Variants in SEC22B observed in about 807,000 individuals in gnomAD.
The protein encoded by SEC22B is vesicle-trafficking protein SEC22b.
A neutral mutation model predicts 31.4 loss-of-function variants in SEC22B; 10 were observed. The observed-to-expected ratio is 0.32, with a 90% CI of 0.20 to 0.54. SEC22B has a LOEUF of 0.54. Among genes scored for constraint, SEC22B ranks in the 20% least tolerant of loss-of-function variants. The pLI is 0.94. For missense variants in SEC22B, 130 were observed against 263.4 expected (o/e 0.49, Z 3.50); for synonymous variants, 60 against 95.9 (o/e 0.63, Z 2.19).
rs1336752460 is a variant in SEC22B, at chr1:120,156,723, G to GAGA, written c.*312_*314dup. 5.3e-6 allele frequency: 1 copy of GAGA among 189,974 alleles called. No homozygotes were observed. Among genetic ancestry groups the GAGA allele is most frequent in the Non-Finnish European group, 1.1e-5 (1 of 93,464 alleles). 11.8% of individuals were successfully genotyped at this position (189,974 alleles called of 1,614,324 possible). The stretch of plus-strand genomic sequence containing the variant: ...CTCATTGATGGCTCCATCAGAGAAT[G>GAGA]AGAATGCCCCAGCCAGTGCTGTTTT... On this transcript the variant is annotated 3_prime_UTR_variant, in exon 5 of 5. Coordinates refer to ENST00000578049, the MANE Select transcript of SEC22B (RefSeq NM_004892.6).
At chr1:120,163,481 T>C in intron 2 of SEC22B, 111 bp from the exon 3 acceptor site, 2 of 588,272 alleles carry the variant, frequency 3.4e-6, no homozygotes, top group Non-Finnish European at 4.9e-6. Flanking sequence ...CTAGCCTAAA[T>C]ACTTTGAGGC....
At position 120,151,597 on chromosome 1, in the gene SEC22B, TG is replaced by T. The variant is rs1288867371; in HGVS notation, c.*5440del. ...AGGAGAATCACTTGAACCCGGGAGG[TG>T]GAGGTTGCAGTGAGCTGAGATCGCG... On this transcript the variant is annotated 3_prime_UTR_variant, in exon 5 of 5. Coordinates refer to ENST00000578049, the MANE Select transcript of SEC22B (RefSeq NM_004892.6). 1 of 150,738 alleles carries T rather than the reference TG, an allele frequency of 6.6e-6. No individual in the cohort carries two copies. The highest frequency in any genetic ancestry group is 2.5e-5 in the African/African-American group (1 of 40,716). 9.3% of individuals were successfully genotyped at this position (150,738 alleles called of 1,614,324 possible).
At chr1:120,165,635 T>A (rs1358931177) in intron 2 of SEC22B, among the ~76,000 whole-genome samples, 3 of 152,032 alleles carry the variant, frequency 2.0e-5, no homozygotes, top group African/African-American at 7.2e-5. Context: ...TCTCCCATTG[T>A]GCAAGTTGTC....
intron 3 of SEC22B, among the ~76,000 whole-genome samples, chr1:120,162,759 T>C (rs1657739959): frequency 6.6e-6 from 1 of 152,210 alleles, no homozygotes; most frequent in African/African-American, 2.4e-5. Flanking sequence ...GTTTTGTTTT[T>C]TTAATTAGAG....
In SEC22B at chr1:120,163,398, G is replaced by A. The variant is rs1657751177; in HGVS notation, c.186-28C>T. The A allele has an allele frequency of 2.7e-6, 4 of 1,462,330 alleles. No homozygotes were observed. The Admixed American group carries it at 5.9e-5, about 21-fold the overall frequency. The allele number at this position is 1,462,330 out of a possible 1,614,324, so 90.6% of individuals were successfully genotyped here. Reference sequence around the variant, plus strand: ...GGTGAGACATAAAAAGCAAGACAAAGTTATCTGTAAAGTAATAGCACTGAC... The same window carrying A: ...GGTGAGACATAAAAAGCAAGACAAAATTATCTGTAAAGTAATAGCACTGAC... On this transcript the variant is annotated intron_variant, in intron 2 of 4. Transcript: ENST00000578049.
At position 120,176,325 on chromosome 1, in the gene SEC22B, C is replaced by T. The variant is rs1553230195; in HGVS notation, c.57G>A (p.Ser19=). The T allele has an allele frequency of 6.2e-7, 1 of 1,612,022 alleles. No homozygotes were observed. The highest frequency in any genetic ancestry group is 1.1e-5 in the South Asian group (1 of 90,962). The part of the protein sequence containing the change: ...RVADGLPLAA[S]MQEDEQSGRD... ...AGCTCACCTGTTCGTCCTCCTGCAT[C>T]GAGGCGGCCAGCGGGAGCCCGTCCG... Residue 19 remains serine (S), a synonymous_variant, in exon 1 of 5, where the codon TCG becomes TCA. Transcript: ENST00000578049.
At chr1:120,176,126 C>T (rs1553230175) in intron 1 of SEC22B, among the ~76,000 whole-genome samples, 181 bp downstream of exon 1, 15 of 152,202 alleles carry the variant, frequency 9.9e-5, no homozygotes, top group Non-Finnish European at 2.2e-4. Flanking sequence ...ACTCCTCCTT[C>T]AGGAAAGATT....
intron 2 of SEC22B, among the ~76,000 whole-genome samples, chr1:120,165,758 G>A (rs1261941148): frequency 2.0e-5 from 3 of 151,644 alleles, no homozygotes; most frequent in East Asian, 1.9e-4. Flanking sequence ...TAAAGTCTTC[G>A]CCCAGGTTCA....
intron 1 of SEC22B, among the ~76,000 whole-genome samples, chr1:120,169,668 AAG>A (rs1286387377): frequency 6.8e-6 from 1 of 147,820 alleles, no homozygotes; most frequent in Non-Finnish European, 1.5e-5. Context: ...TTTTGTTAAA[AAG>A]AGGGGGCAAA....
chr1:120,161,295 C>CT, intron 3 of SEC22B, among the ~76,000 whole-genome samples: 1 of 152,336 alleles, frequency 6.6e-6, no homozygotes, highest in Middle Eastern at 3.4e-3. Flanking sequence ...AGCTGAGAAA[C>CT]TTTACCTTTT....
At chr1:120,166,396 T>TACACACAC (rs1268229455) in intron 2 of SEC22B, among the ~76,000 whole-genome samples, 6,540 of 142,722 alleles carry the variant, frequency 0.046, 70 homozygotes, top group African/African-American at 0.053. Flanking sequence ...AAGTGTTTTT[T>TACACACAC]ACACACACAC....
intron 2 of SEC22B, among the ~76,000 whole-genome samples, chr1:120,167,994 CTAGGGTTT>C (rs1256392084): frequency 4.0e-4 from 60 of 151,632 alleles, no homozygotes; most frequent in Admixed American, 3.9e-3. Context: ...AGCCAATTGC[CTAGGGTTT>C]TATTTTTGTT....
Position 120,162,592 on chromosome 1 carries a change from T to G in SEC22B, c.346+618A>C, listed in dbSNP as rs1419910928. On this transcript the variant is annotated intron_variant, in intron 3 of 4. Transcript: ENST00000578049. ...CTTACTGTACTTAGGACATTTCCTT[T>G]GATCCCTTACCATCAGATACTTTAC... 6.0e-4 allele frequency among the ~76,000 whole-genome samples: 91 copies of G among 151,528 alleles called. 1 individual carries two copies. The highest frequency in any genetic ancestry group is 2.1e-3 in the African/African-American group (87 of 41,272).
chr1:120,173,054 ATCAATAC>A (rs1413366110), intron 1 of SEC22B, among the ~76,000 whole-genome samples: 2 of 148,886 alleles, frequency 1.3e-5, no homozygotes, highest in African/African-American at 5.0e-5. Flanking sequence ...TTCAGTGGGT[ATCAATAC>A]CCACTGAACT....
rs1317879392 is a variant in SEC22B, at chr1:120,157,248, A to T, written c.494-56T>A. ...TTAGTCCCTGGAAGTATTTTACCGAAAGTATTAAGGCAAACCAAAATGAGC... is the reference window on the plus strand; with the variant it reads ...TTAGTCCCTGGAAGTATTTTACCGATAGTATTAAGGCAAACCAAAATGAGC... On this transcript the variant is annotated intron_variant, in intron 4 of 4. Coordinates refer to ENST00000578049, the MANE Select transcript of SEC22B (RefSeq NM_004892.6). 6.5e-3 allele frequency: 8,277 copies of T among 1,274,416 alleles called. 39 individuals are homozygous for T. Among genetic ancestry groups the T allele is most frequent in the Non-Finnish European group, 7.0e-3 (6,770 of 963,322 alleles). The allele number at this position is 1,274,416 out of a possible 1,614,324, so 78.9% of individuals were successfully genotyped here.
Position 120,176,333 on chromosome 1 carries a change from C to T in SEC22B, c.49G>A (p.Ala17Thr), listed in dbSNP as rs1657963958. ...IARVADGLPL[A>T]ASMQEDEQSG... ...TGTTCGTCCTCCTGCATCGAGGCGG[C>T]CAGCGGGAGCCCGTCCGCCACTCGG... The change falls in exon 1 of 5, where the codon GCC becomes ACC. Residue 17 changes from alanine (A) to threonine (T), a missense_variant. Physicochemically the swap from Ala to Thr is moderately conservative, Grantham distance 58. This residue lies in a region of SEC22B where 32 missense variants were observed against 26.3 expected (regional missense o/e 1.22). Transcript: ENST00000578049. The T allele has an allele frequency of 1.2e-6, 2 of 1,612,180 alleles. No homozygotes were observed. The highest frequency in any genetic ancestry group is 1.7e-6 in the Non-Finnish European group (2 of 1,179,700).
intron 3 of SEC22B, among the ~76,000 whole-genome samples, chr1:120,160,902 A>AC (rs1657705580): frequency 6.6e-6 from 1 of 151,784 alleles, no homozygotes; most frequent in South Asian, 2.1e-4. Context: ...AAAAACAAAA[A>AC]AAAAAAAACC....
chr1:120,176,371 A>G lies in SEC22B; in HGVS notation c.11T>C (p.Leu4Pro). The G allele has an allele frequency of 2.5e-6, 4 of 1,613,790 alleles. No homozygotes were observed. The highest frequency in any genetic ancestry group is 3.4e-6 in the Non-Finnish European group (4 of 1,179,846). ...GTCCGCCACTCGGGCGATCATTGTT[A>G]GCAACACCATCTTCACAAACTACAG... MVL[L>P]TMIARVADGL... Residue 4 changes from leucine to proline, a missense_variant, in exon 1 of 5, where the codon CTA becomes CCA. Transcript: ENST00000578049.
intron 1 of SEC22B, among the ~76,000 whole-genome samples, chr1:120,173,020 C>G (rs1356891341): frequency 2.0e-5 from 3 of 151,368 alleles, no homozygotes; most frequent in Non-Finnish European, 4.4e-5. Context: ...GCCTTCATAG[C>G]TCTTTATCAT....
Sources: allele counts gnomAD v4.1 joint callset (sites outside exome capture counted in the v4.1 genomes callset), GRCh38; gene constraint gnomAD v4.1.1; regional missense constraint gnomAD v4.1.1; transcripts MANE v1.5; gene names NCBI Gene and HGNC (gene_info 2026-07-23, HGNC 2026-07-21).